The following DDI2 variants were observed in gnomAD, a reference collection of about 807,000 sequenced individuals.
DDI2 encodes DDI proteasomal shuttling factor 2.
A neutral mutation model predicts 48.1 loss-of-function variants in DDI2; 5 were observed. The ratio of observed to expected loss-of-function variants is 0.10; its 90% CI spans 0.05 to 0.22. The LOEUF (loss-of-function observed/expected upper bound fraction) is 0.22. DDI2 is among the 10% of genes least tolerant of loss of function. DDI2 has a pLI of 1.00. For missense variants in DDI2, 285 were observed against 506.2 expected, an observed-to-expected ratio of 0.56 and a Z score of 4.19; for synonymous variants, 205 against 183.6, an observed-to-expected ratio of 1.12 and a Z score of -0.94.
chr1:15,633,026 AT>A (rs1175099764), intron 3 of DDI2, among the ~76,000 whole-genome samples: 1 of 145,624 alleles, frequency 6.9e-6, no homozygotes, highest in Non-Finnish European at 1.5e-5. Flanking sequence ...GGCTCAGGCC[AT>A]CCCCCCACCC....
At chr1:15,623,927 G>T (rs956837371) in intron 1 of DDI2, among the ~76,000 whole-genome samples, 1 of 152,076 alleles carries the variant, frequency 6.6e-6, no homozygotes, top group Admixed American at 6.5e-5. Flanking sequence ...AGCCGCTTGT[G>T]GGGGCAGGTG....
chr1:15,651,730 G>A lies in DDI2; in HGVS notation c.1018G>A (p.Val340Ile), dbSNP rs1365098616. 3.1e-6 allele frequency: 5 copies of A among 1,609,998 alleles called. No individual in the cohort carries two copies. Among genetic ancestry groups the A allele is most frequent in the Non-Finnish European group, 4.2e-6 (5 of 1,178,640 alleles). The change falls in exon 8 of 10, where the codon GTA becomes ATA. Residue 340 changes from valine to isoleucine, a missense_variant. Around this residue, in one of 3 missense-constraint regions of DDI2, gnomAD observed 66 missense variants for 87.3 expected, o/e 0.76. Coordinates refer to ENST00000480945, the MANE Select transcript of DDI2 (RefSeq NM_032341.5). ...GTGTTCCATCGACCTGAAGAAAAAT[G>A]TACTCGTGATCGGCACCACAGGCTC... ...HQCSIDLKKN[V>I]LVIGTTGSQT...
chr1:15,626,672 G>C lies in DDI2; in HGVS notation c.142G>C (p.Val48Leu). 6.2e-7 allele frequency: 1 copy of C among 1,613,820 alleles called. No individual in the cohort carries two copies. The highest frequency in any genetic ancestry group is 8.5e-7 in the Non-Finnish European group (1 of 1,179,932). The change falls in exon 2 of 10, where the codon GTC becomes CTC. Residue 48 changes from valine to leucine, a missense_variant. Val to Leu is a conservative substitution (Grantham distance 32). Coordinates refer to ENST00000480945, the MANE Select transcript of DDI2 (RefSeq NM_032341.5). ...TGTATATCTTTTCTTGTTGTAGATCGTCTATGCGGAAAGACCTCTCACAGA... is the reference window on the plus strand; with the variant it reads ...TGTATATCTTTTCTTGTTGTAGATCCTCTATGCGGAAAGACCTCTCACAGA... ...SGIPAAESQI[V>L]YAERPLTDNH...
intron 1 of DDI2, among the ~76,000 whole-genome samples, chr1:15,621,991 T>G (rs1639674037): frequency 6.6e-6 from 1 of 152,204 alleles, no homozygotes; most frequent in Non-Finnish European, 1.5e-5. Flanking sequence ...AGATATTGGG[T>G]ATTTGATTAA....
intron 2 of DDI2, among the ~76,000 whole-genome samples, chr1:15,627,546 A>G (rs982829926): frequency 6.6e-6 from 1 of 152,192 alleles, no homozygotes; most frequent in Non-Finnish European, 1.5e-5. Flanking sequence ...AGTAGGTTCT[A>G]TGTCACTGAA....
chr1:15,631,656 C>G (rs1021963671), intron 3 of DDI2, among the ~76,000 whole-genome samples: 3 of 152,174 alleles, frequency 2.0e-5, no homozygotes, highest in Non-Finnish European at 4.4e-5. Flanking sequence ...GGACATTTCT[C>G]TCACTCCAGA....
At position 15,632,457 on chromosome 1, in the gene DDI2, T is replaced by G. The variant is rs113689501; in HGVS notation, c.506-982T>G. ...CTGAGGCAGGAGAATCACTTGAACC[T>G]GGGAGGTGGAGGTTGTAGTGAGCCA... is the stretch of plus-strand genomic sequence containing the variant. On this transcript the variant is annotated intron_variant, in intron 3 of 9. Coordinates refer to ENST00000480945, the MANE Select transcript of DDI2 (RefSeq NM_032341.5). Among the ~76,000 whole-genome samples the G allele has an allele frequency of 5.8e-3, 880 of 152,014 alleles. 9 individuals carry two copies. The highest frequency in any genetic ancestry group is 0.02 in the African/African-American group (827 of 41,466).
At chr1:15,648,669 T>C (rs760030423) in intron 6 of DDI2, among the ~76,000 whole-genome samples, 9 of 151,942 alleles carry the variant, frequency 5.9e-5, no homozygotes, top group Non-Finnish European at 1.0e-4. Context: ...TGTTAGGAAA[T>C]GTTGCTGGGA....
chr1:15,663,809 A>C lies in DDI2; in HGVS notation c.*4019A>C, dbSNP rs561419251. 1 of 152,210 alleles carries C rather than the reference A, an allele frequency of 6.6e-6. No homozygotes were observed. Among genetic ancestry groups the C allele is most frequent in the East Asian group, 1.9e-4 (1 of 5,176 alleles). The allele number at this position is 152,210 out of a possible 1,614,324, so 9.4% of individuals were successfully genotyped here. On this transcript the variant is annotated 3_prime_UTR_variant, in exon 10 of 10. Coordinates refer to ENST00000480945, the MANE Select transcript of DDI2 (RefSeq NM_032341.5). ...ACCACGGGGTGGGAAGGGTGGGGGA[A>C]CTTACTGATGACAATAGACTCCCTC...
At chr1:15,626,034 ATAGTACTGTAGT>A (rs1251863130) in intron 1 of DDI2, among the ~76,000 whole-genome samples, 8 of 152,230 alleles carry the variant, frequency 5.3e-5, no homozygotes, top group African/African-American at 1.9e-4. Flanking sequence ...ACTTTATTTA[ATAGTACTGTAGT>A]TAGTTAGCAT....
chr1:15,617,776 C>T lies in DDI2; in HGVS notation c.106C>T (p.Leu36Phe), dbSNP rs764486414. Reference protein sequence around the residue: ...ELHNFRALCELESGIPAAESQ... With the variant: ...ELHNFRALCEFESGIPAAESQ... Reference sequence around the variant, plus strand: ...GCACAACTTCCGCGCGCTGTGCGAGCTCGAGTCTGGCATCCCCGCAGCCGA... The same window carrying T: ...GCACAACTTCCGCGCGCTGTGCGAGTTCGAGTCTGGCATCCCCGCAGCCGA... The change falls in exon 1 of 10, where the codon CTC becomes TTC. Residue 36 changes from leucine (L) to phenylalanine (F), a missense_variant. Physicochemically the swap from Leu to Phe is conservative, Grantham distance 22. Transcript: ENST00000480945. 1 of 1,607,638 alleles carries T rather than the reference C, an allele frequency of 6.2e-7. No homozygotes were observed. Among genetic ancestry groups the T allele is most frequent in the South Asian group, 1.1e-5 (1 of 90,608 alleles).
rs1395862481 is a variant in DDI2, at chr1:15,667,693, C to T, written c.*7903C>T. 6.6e-6 allele frequency: 1 copy of T among 152,194 alleles called. No individual in the cohort carries two copies. Among genetic ancestry groups the T allele is most frequent in the Non-Finnish European group, 1.5e-5 (1 of 68,050 alleles). 9.4% of individuals were successfully genotyped at this position (152,194 alleles called of 1,614,324 possible). A position where few individuals can be genotyped will look rare whatever the true frequency, so the allele number is the denominator to read the frequency against. ...CTTCATCAAAGGGACATTTTTTAACCTGTTATTTTAAATGCCACATATATG... is the reference window on the plus strand; with the variant it reads ...CTTCATCAAAGGGACATTTTTTAACTTGTTATTTTAAATGCCACATATATG... On this transcript the variant is annotated 3_prime_UTR_variant, in exon 10 of 10. Transcript: ENST00000480945.
chr1:15,620,920 C>A (rs905005494), intron 1 of DDI2, among the ~76,000 whole-genome samples: 1 of 152,166 alleles, frequency 6.6e-6, no homozygotes, highest in African/African-American at 2.4e-5. Context: ...GCATGGCTGC[C>A]CTACATTGGT....
At chr1:15,642,200 T>A (rs1205103193) in intron 5 of DDI2, among the ~76,000 whole-genome samples, 1 of 152,128 alleles carries the variant, frequency 6.6e-6, no homozygotes, top group Non-Finnish European at 1.5e-5. Context: ...TGCACAAGAA[T>A]GTAGAACTAG....
In DDI2 at chr1:15,638,382, T is replaced by G. The variant is rs1159992246; in HGVS notation, c.708T>G (p.Leu236=). 2 of 1,613,868 alleles carry G rather than the reference T, an allele frequency of 1.2e-6. No individual in the cohort carries two copies. The highest frequency in any genetic ancestry group is 4.5e-5 in the East Asian group (2 of 44,892). ...APESFGQVVM[L]YINCKVNGHP... ...AAAGTTTTGGCCAAGTAGTGATGCT[T>G]TATATTAACTGCAAAGTGAATGGAC... Residue 236 remains leucine, a synonymous_variant, in exon 5 of 10, where the codon CTT becomes CTG. Transcript: ENST00000480945.
intron 4 of DDI2, among the ~76,000 whole-genome samples, chr1:15,637,411 G>A (rs1030579456): frequency 6.6e-6 from 1 of 152,066 alleles, no homozygotes; most frequent in Non-Finnish European, 1.5e-5. Context: ...TCGCTCTGTC[G>A]CTCAGGCTGG....
At chr1:15,620,073 A>G (rs1639632624) in intron 1 of DDI2, among the ~76,000 whole-genome samples, 1 of 152,232 alleles carries the variant, frequency 6.6e-6, no homozygotes. Flanking sequence ...GTAATTGAAC[A>G]TAGGCTAACT....
chr1:15,660,713 T>G lies in DDI2; in HGVS notation c.*923T>G. 1 of 1,613,942 alleles carries G rather than the reference T, an allele frequency of 6.2e-7. No homozygotes were observed. Among genetic ancestry groups the G allele is most frequent in the South Asian group, 1.1e-5 (1 of 90,982 alleles). ...AACATTGGTGCATTGGATCTCACTT[T>G]AGATAATCCCTTGATGGAAGTAGAA... On this transcript the variant is annotated 3_prime_UTR_variant, in exon 10 of 10. Transcript: ENST00000480945.
chr1:15,623,177 G>A (rs1220733960), intron 1 of DDI2, among the ~76,000 whole-genome samples: 1 of 152,120 alleles, frequency 6.6e-6, no homozygotes, highest in Non-Finnish European at 1.5e-5. Context: ...TTCATGTCCA[G>A]GGCATGGGGA....
Sources: gnomAD v4.1 joint callset for allele counts (sites outside exome capture counted in the v4.1 genomes callset) on GRCh38, gnomAD v4.1.1 for gene constraint, gnomAD v4.1.1 regional missense constraint, MANE v1.5 for transcripts, NCBI Gene and HGNC (gene_info 2026-07-23, HGNC 2026-07-21) for gene names.